Variants in ITSN1 observed in about 807,000 individuals in gnomAD.
ITSN1 encodes the protein intersectin 1, also known as intersectin-1.
Under a neutral mutation model 239.8 loss-of-function variants are expected in ITSN1, and 58 were observed. The ratio of observed to expected loss-of-function variants is 0.24; its 90% CI spans 0.20 to 0.30. ITSN1 has a LOEUF of 0.30. ITSN1 is among the 10% of genes least tolerant of loss of function. ITSN1 has a pLI of 1.00. For synonymous variants in ITSN1, 780 were observed against 770.8 expected (o/e 1.01, Z -0.20); for missense variants, 1,558 against 2,103.3 (o/e 0.74, Z 5.07).
intron 1 of ITSN1, among the ~76,000 whole-genome samples, chr21:33,662,034 T>TA (rs2089599875): frequency 6.6e-6 from 1 of 152,184 alleles, no homozygotes; most frequent in African/African-American, 2.4e-5. Context: ...CCTTGTAGGA[T>TA]AAAATCTAAA....
At position 33,867,245 on chromosome 21, in the gene ITSN1, G is replaced by A. The variant is rs1343998353; in HGVS notation, c.4087G>A (p.Asp1363Asn). The part of the protein sequence containing the change: ...FKEFVKRLAM[D>N]PRCKGMPLSS... Reference sequence around the variant, plus strand: ...CATCTCATTTCAGAGATTGGCAATGGATCCTCGGTGTAAAGGGATGCCACT... The same window carrying A: ...CATCTCATTTCAGAGATTGGCAATGAATCCTCGGTGTAAAGGGATGCCACT... The change falls in exon 33 of 40, where the codon GAT (aspartate) becomes AAT (asparagine). Residue 1363 changes from aspartate to asparagine, a missense_variant. Around this residue, in one of 2 missense-constraint regions of ITSN1, gnomAD observed 576 missense variants for 893.3 expected, o/e 0.64. Transcript: ENST00000381318. 6.2e-7 allele frequency: 1 copy of A among 1,606,128 alleles called. No homozygotes were observed. Among genetic ancestry groups the A allele is most frequent in the East Asian group, 2.2e-5 (1 of 44,820 alleles).
At position 33,722,594 on chromosome 21, in the gene ITSN1, A is replaced by G. The variant is rs563383929; in HGVS notation, c.128A>G (p.Gln43Arg). Residue 43 changes from glutamine to arginine, a missense_variant, in exon 4 of 40, where the codon CAA becomes CGA. Physicochemically the swap from Gln to Arg is conservative, Grantham distance 43. Around this residue, in one of 2 missense-constraint regions of ITSN1, gnomAD observed 982 missense variants for 1,209.9 expected, o/e 0.81. Transcript: ENST00000381318. ...TTTTCTGTTTAATTTACAGGTGATCAAGCTAGAAACTTTTTTTTTCAATCT... is the reference window on the plus strand; with the variant it reads ...TTTTCTGTTTAATTTACAGGTGATCGAGCTAGAAACTTTTTTTTTCAATCT... Reference protein sequence around the residue: ...KPISGFITGDQARNFFFQSGL... With the variant: ...KPISGFITGDRARNFFFQSGL... 3 of 1,565,788 alleles carry G rather than the reference A, an allele frequency of 1.9e-6. No homozygotes were observed. Among genetic ancestry groups the G allele is most frequent in the South Asian group, 1.2e-5 (1 of 81,174 alleles).
At chr21:33,825,468 C>T (rs2073928115) in intron 25 of ITSN1, among the ~76,000 whole-genome samples, 1 of 152,200 alleles carries the variant, frequency 6.6e-6, no homozygotes, top group African/African-American at 2.4e-5. Flanking sequence ...GGAGAGTCGT[C>T]CCATCCTGCT....
At chr21:33,728,745 C>G (rs1641663764) in intron 4 of ITSN1, among the ~76,000 whole-genome samples, 1 of 152,122 alleles carries the variant, frequency 6.6e-6, no homozygotes, top group African/African-American at 2.4e-5. Context: ...ACCTTGGTAG[C>G]ACTTATCACC....
intron 1 of ITSN1, among the ~76,000 whole-genome samples, chr21:33,716,094 T>C (rs990013714): frequency 6.6e-6 from 1 of 151,950 alleles, no homozygotes; most frequent in Non-Finnish European, 1.5e-5. Flanking sequence ...CCTGCAGAGG[T>C]CAGTTATGGA....
chr21:33,831,745 G>A (rs1253813158), intron 27 of ITSN1, among the ~76,000 whole-genome samples: 1 of 152,164 alleles, frequency 6.6e-6, no homozygotes, highest in African/African-American at 2.4e-5. Flanking sequence ...ATCTTGGCCA[G>A]AATAGAAGGC....
At chr21:33,841,568 C>T in intron 29 of ITSN1, among the ~76,000 whole-genome samples, 1 of 152,188 alleles carries the variant, frequency 6.6e-6, no homozygotes, top group Admixed American at 6.5e-5. Flanking sequence ...GAAGGGGCTG[C>T]TCCTGGAGTC....
At chr21:33,876,151 T>TTC (rs753621261) in intron 34 of ITSN1, among the ~76,000 whole-genome samples, 12,780 of 38,152 alleles carry the variant, frequency 0.33, 880 homozygotes, top group South Asian at 0.39. Context: ...CTTTCTTTCT[T>TTC]TCTCTCTCTC....
At chr21:33,822,969 G>A (rs1248360041) in intron 24 of ITSN1, among the ~76,000 whole-genome samples, 1 of 152,172 alleles carries the variant, frequency 6.6e-6, no homozygotes, top group Non-Finnish European at 1.5e-5. Context: ...GGAAAAGTAT[G>A]TCTTATTTAA....
At chr21:33,659,362 A>C (rs2089359457) in intron 1 of ITSN1, among the ~76,000 whole-genome samples, 1 of 152,132 alleles carries the variant, frequency 6.6e-6, no homozygotes, top group African/African-American at 2.4e-5. Context: ...TGTTCTAGTC[A>C]ATTACTTAAC....
At chr21:33,714,591 T>C (rs2092514481) in intron 1 of ITSN1, among the ~76,000 whole-genome samples, 1 of 149,878 alleles carries the variant, frequency 6.7e-6, no homozygotes, top group Non-Finnish European at 1.5e-5. Flanking sequence ...TCATAGTAGC[T>C]GTGAAATATT....
intron 1 of ITSN1, among the ~76,000 whole-genome samples, chr21:33,649,738 C>T (rs1270156744): frequency 1.3e-5 from 2 of 151,984 alleles, no homozygotes; most frequent in East Asian, 1.9e-4. Context: ...AATGTCTGGC[C>T]GGGCGTGGTG....
rs571951468 is a variant in ITSN1, at chr21:33,647,044, T to C, written c.-33+4331T>C. On this transcript the variant is annotated intron_variant, in intron 1 of 39. Transcript: ENST00000381318. ...CTCCTTGGTACTATGTATAATTTTT[T>C]TAATTGAATGACTAGACTAAACATT... Among the ~76,000 whole-genome samples, 10 of 152,294 alleles carry C rather than the reference T, an allele frequency of 6.6e-5. No homozygotes were observed. The East Asian group carries it at 1.9e-3, about 29-fold the overall frequency.
Position 33,719,768 on chromosome 21 carries a change from A to C in ITSN1, c.28+912A>C, listed in dbSNP as rs141896371. On this transcript the variant is annotated intron_variant, in intron 2 of 39. Transcript: ENST00000381318. ...TTGTTTTACTTCAGTTAAACTAAAC[A>C]TAAGTTTGAAACATATCAGTCTGCA... is the stretch of plus-strand genomic sequence containing the variant. 3.9e-4 allele frequency among the ~76,000 whole-genome samples: 60 copies of C among 152,350 alleles called. No homozygotes were observed. In the East Asian group the frequency reaches 0.011, roughly 29 times the overall value.
At chr21:33,773,998 C>A (rs1350515077) in intron 12 of ITSN1, among the ~76,000 whole-genome samples, 1 of 152,110 alleles carries the variant, frequency 6.6e-6, no homozygotes, top group Non-Finnish European at 1.5e-5. Flanking sequence ...CCTTTTTGTT[C>A]AGACAGACAC....
At chr21:33,746,606 C>T (rs550484474) in intron 5 of ITSN1, among the ~76,000 whole-genome samples, 18 of 152,114 alleles carry the variant, frequency 1.2e-4, no homozygotes, top group Non-Finnish European at 1.8e-4. Context: ...TTTGGGAGGC[C>T]GAGGCCTGTG....
chr21:33,726,212 T>G (rs1432378977), intron 4 of ITSN1, among the ~76,000 whole-genome samples: 1 of 152,198 alleles, frequency 6.6e-6, no homozygotes, highest in Non-Finnish European at 1.5e-5. Context: ...TAGCCTGGTC[T>G]CGAACTCCTG....
chr21:33,857,659 G>A (rs1393495884), intron 30 of ITSN1, among the ~76,000 whole-genome samples: 1 of 152,184 alleles, frequency 6.6e-6, no homozygotes, highest in African/African-American at 2.4e-5. Flanking sequence ...TACAGGGTGG[G>A]TTGTTAGCTG....
chr21:33,829,852 A>G (rs2074189451), intron 27 of ITSN1, 107 bp downstream of exon 27: 3 of 1,333,020 alleles, frequency 2.3e-6, no homozygotes, highest in African/African-American at 2.9e-5. Context: ...CTCACCACCT[A>G]AATTCTGTAT....
Sources: gnomAD v4.1 joint callset for allele counts (sites outside exome capture counted in the v4.1 genomes callset) on GRCh38, gnomAD v4.1.1 for gene constraint, gnomAD v4.1.1 regional missense constraint, MANE v1.5 for transcripts, NCBI Gene and HGNC (gene_info 2026-07-23, HGNC 2026-07-21) for gene names.